NEBL: variants seen among roughly 807,000 people sequenced by gnomAD.
NEBL encodes the protein nebulette.
Under a neutral mutation model 140.2 loss-of-function variants are expected in NEBL, and 122 were observed. That is an observed-to-expected ratio of 0.87 (90% confidence interval 0.75 to 1.01). The LOEUF is 1.01. NEBL is among the 50% of genes least tolerant of loss of function. NEBL has a pLI of 0.00. For synonymous variants in NEBL, 436 were observed against 398.9 expected, an observed-to-expected ratio of 1.09 and a Z score of -1.11; for missense variants, 1,365 against 1,231.3, an observed-to-expected ratio of 1.11 and a Z score of -1.62.
In NEBL at chr10:21,096,384, C is replaced by A. The variant is rs185255897; in HGVS notation, c.164+75999G>T. Among the ~76,000 whole-genome samples, 491 of 152,056 alleles carry A rather than the reference C, an allele frequency of 3.2e-3. 2 individuals carry two copies. Among genetic ancestry groups the A allele is most frequent in the African/African-American group, 0.011 (475 of 41,478 alleles). On this transcript the variant is annotated intron_variant, in intron 2 of 6. Coordinates refer to the NEBL transcript ENST00000417816. The stretch of plus-strand genomic sequence containing the variant: ...TCAAAAATACTGTTGAGGCTAGTAT[C>A]TTAGATTAGCCTGAAGAAGTTGTTT...
chr10:20,789,589 T>C (rs1191772784), intron 26 of NEBL, among the ~76,000 whole-genome samples: 1 of 152,198 alleles, frequency 6.6e-6, no homozygotes, highest in African/African-American at 2.4e-5. Flanking sequence ...GGCTCATGCC[T>C]GTAATCCCAG....
intron 16 of NEBL, 70 bp from the exon 17 acceptor site, chr10:20,828,704 G>C: frequency 1.0e-6 from 1 of 998,442 alleles, no homozygotes; most frequent in Non-Finnish European, 1.6e-6. Flanking sequence ...GAGGGAGGGA[G>C]GCAGGAAAGG....
chr10:20,840,646 A>G, intron 13 of NEBL, 93 bp downstream of exon 13: 1 of 841,012 alleles, frequency 1.2e-6, no homozygotes, highest in African/African-American at 1.7e-5. Flanking sequence ...TACATATAAA[A>G]GTTATAGATG....
intron 26 of NEBL, among the ~76,000 whole-genome samples, chr10:20,805,463 T>C (rs1210356655): frequency 6.6e-6 from 1 of 152,192 alleles, no homozygotes; most frequent in Non-Finnish European, 1.5e-5. Context: ...TACCCCAATA[T>C]CTATTTTTTA....
Position 20,813,870 on chromosome 10 carries a change from T to C in NEBL, c.2346+69A>G, listed in dbSNP as rs537648950. On this transcript the variant is annotated intron_variant, in intron 23 of 27. Transcript: ENST00000377122. The stretch of plus-strand genomic sequence containing the variant: ...GTTAGTTATCGGATTAATAGTGAAG[T>C]AATGCCATCCGTGCACTGGATCCGC... 104 of 1,003,942 alleles carry C rather than the reference T, an allele frequency of 1.0e-4. 1 individual carries two copies. The East Asian group carries it at 2.0e-3, about 19-fold the overall frequency. 62.2% of individuals were successfully genotyped at this position (1,003,942 alleles called of 1,614,324 possible). A position where few individuals can be genotyped will look rare whatever the true frequency, so the allele number is the denominator to read the frequency against.
Position 21,120,409 on chromosome 10 carries a change from T to C in NEBL, c.164+51974A>G, listed in dbSNP as rs1204042743. Among the ~76,000 whole-genome samples, 106 of 125,558 alleles carry C rather than the reference T, an allele frequency of 8.4e-4. 3 individuals carry two copies. Among genetic ancestry groups the C allele is most frequent in the Non-Finnish European group, 1.4e-3 (91 of 62,930 alleles). 82.4% of individuals were successfully genotyped at this position (125,558 alleles called of 152,430 possible). ...AAAAAAATACATATATATATATATA[T>C]ATATATATATATATAAATTTGATCA... On this transcript the variant is annotated intron_variant, in intron 2 of 6. Transcript: ENST00000417816.
chr10:20,970,636 G>A (rs537106859), intron 3 of NEBL, among the ~76,000 whole-genome samples: 11 of 151,728 alleles, frequency 7.2e-5, no homozygotes, highest in East Asian at 5.8e-4. Context: ...AAAACAGAGC[G>A]AGACCTCATC....
intron 1 of NEBL, among the ~76,000 whole-genome samples, chr10:21,269,862 A>T (rs1036190615): frequency 6.6e-6 from 1 of 152,172 alleles, no homozygotes; most frequent in African/African-American, 2.4e-5. Flanking sequence ...TATTAATCTC[A>T]TTGTCACTTG....
intron 4 of NEBL, among the ~76,000 whole-genome samples, chr10:20,887,484 T>C (rs1846635755): frequency 6.7e-6 from 1 of 149,694 alleles, no homozygotes; most frequent in Admixed American, 6.7e-5. Flanking sequence ...AGTGGCATGA[T>C]CTTGGTTCGC....
intron 2 of NEBL, among the ~76,000 whole-genome samples, chr10:21,076,844 G>A (rs1208559206): frequency 6.6e-6 from 1 of 152,122 alleles, no homozygotes; most frequent in Non-Finnish European, 1.5e-5. Flanking sequence ...CAAAGGACTT[G>A]AATGGATATT....
chr10:21,142,664 G>T (rs1839689632), intron 2 of NEBL, among the ~76,000 whole-genome samples: 1 of 152,048 alleles, frequency 6.6e-6, no homozygotes. Flanking sequence ...ACTATATCAG[G>T]GGCCCCCAAC....
chr10:20,891,164 G>A (rs1298056174), intron 2 of NEBL, among the ~76,000 whole-genome samples: 5 of 152,180 alleles, frequency 3.3e-5, no homozygotes, highest in Admixed American at 6.5e-5. Flanking sequence ...TACAGATTAA[G>A]TGAAGTTATT....
intron 2 of NEBL, among the ~76,000 whole-genome samples, chr10:21,120,415 T>TAC (rs1838501906): frequency 7.8e-6 from 1 of 128,960 alleles, no homozygotes; most frequent in Admixed American, 7.6e-5. Flanking sequence ...TATATATATA[T>TAC]ATATATATAA....
At chr10:21,277,359 C>T (rs1373235336) in intron 1 of NEBL, among the ~76,000 whole-genome samples, 1 of 152,100 alleles carries the variant, frequency 6.6e-6, no homozygotes, top group Non-Finnish European at 1.5e-5. Context: ...CGAGTGCCCA[C>T]CACCACTCCT....
At chr10:21,038,643 G>A (rs940810014) in intron 2 of NEBL, among the ~76,000 whole-genome samples, 5 of 152,150 alleles carry the variant, frequency 3.3e-5, no homozygotes, top group African/African-American at 1.2e-4. Flanking sequence ...CCAAGTCTTT[G>A]CTATTGTAAA....
intron 2 of NEBL, among the ~76,000 whole-genome samples, chr10:21,099,246 G>A (rs904900993): frequency 6.6e-6 from 1 of 152,082 alleles, no homozygotes; most frequent in Non-Finnish European, 1.5e-5. Context: ...AAAAGTGACG[G>A]GTATGAATTC....
At chr10:21,049,674 C>A (rs1487074787) in intron 2 of NEBL, among the ~76,000 whole-genome samples, 1 of 152,156 alleles carries the variant, frequency 6.6e-6, no homozygotes, top group African/African-American at 2.4e-5. Flanking sequence ...TGACCCCGTT[C>A]CTCACTTTCT....
intron 2 of NEBL, among the ~76,000 whole-genome samples, chr10:21,104,087 T>C (rs967707641): frequency 1.3e-5 from 2 of 152,242 alleles, no homozygotes; most frequent in African/African-American, 4.8e-5. Flanking sequence ...TTGGTGTCTT[T>C]GTGGAAAATC....
chr10:21,201,822 A>G (rs564525379), intron 3 of NEBL, among the ~76,000 whole-genome samples: 1 of 152,252 alleles, frequency 6.6e-6, no homozygotes, highest in Non-Finnish European at 1.5e-5. Context: ...GATGGTTTGG[A>G]AAAGTTTCTT....
Sources: allele counts gnomAD v4.1 joint callset (sites outside exome capture counted in the v4.1 genomes callset), GRCh38; gene constraint gnomAD v4.1.1; transcripts MANE v1.5; gene names NCBI Gene and HGNC (gene_info 2026-07-23, HGNC 2026-07-21).